RARB: variants seen among roughly 807,000 people sequenced by gnomAD.
RARB encodes the protein retinoic acid receptor beta.
Under a neutral mutation model 51.9 loss-of-function variants are expected in RARB, and 17 were observed. That is an observed-to-expected ratio of 0.33 (90% CI 0.22 to 0.49). The LOEUF (loss-of-function observed/expected upper bound fraction) is 0.49. RARB is among the 20% of genes least tolerant of loss of function. The probability of loss-of-function intolerance (pLI) is 0.99; values close to 1 mark genes in which losing one functional copy is unlikely to be tolerated. For synonymous variants in RARB, 215 were observed against 195.4 expected (o/e 1.10, Z -0.84); for missense variants, 369 against 550.8 (o/e 0.67, Z 3.30).
At chr3:25,550,161 TGAG>T (rs1288160679) in intron 3 of RARB, among the ~76,000 whole-genome samples, 4 of 152,146 alleles carry the variant, frequency 2.6e-5, no homozygotes, top group Non-Finnish European at 5.9e-5. Flanking sequence ...GTTGAGAAAA[TGAG>T]GACCCCTTTG....
intron 3 of RARB, among the ~76,000 whole-genome samples, chr3:25,081,904 A>T (rs1699013698): frequency 6.6e-6 from 1 of 151,686 alleles, no homozygotes; most frequent in Admixed American, 6.6e-5. Flanking sequence ...AAGTGCTGGG[A>T]TTACAGGCGT....
chr3:25,325,982 A>C (rs1045311546), intron 5 of RARB, among the ~76,000 whole-genome samples: 1 of 152,174 alleles, frequency 6.6e-6, no homozygotes, highest in Non-Finnish European at 1.5e-5. Flanking sequence ...CTGACTGTAC[A>C]TCCCCTATCA....
chr3:25,365,863 C>A (rs959550774), intron 5 of RARB, among the ~76,000 whole-genome samples: 1 of 152,146 alleles, frequency 6.6e-6, no homozygotes, highest in Non-Finnish European at 1.5e-5. Context: ...CTTTTTGTGA[C>A]CTAATGTCAG....
At chr3:25,278,620 G>A (rs12636556) in intron 5 of RARB, among the ~76,000 whole-genome samples, 7,238 of 152,246 alleles carry the variant, frequency 0.048, 448 homozygotes, top group East Asian at 0.36. Flanking sequence ...AGCTTTGATA[G>A]ATACCTTGAA....
At chr3:25,554,111 C>A (rs1047270708) in intron 3 of RARB, among the ~76,000 whole-genome samples, 4 of 150,344 alleles carry the variant, frequency 2.7e-5, no homozygotes, top group Admixed American at 6.7e-5. Flanking sequence ...TACTGCAGGC[C>A]ATGGTTAGGG....
chr3:24,901,480 A>G (rs1253088250), intron 2 of RARB, among the ~76,000 whole-genome samples: 3 of 152,174 alleles, frequency 2.0e-5, no homozygotes, highest in Non-Finnish European at 4.4e-5. Context: ...GCCTCAAGTG[A>G]TCCTCCTGCC....
At chr3:25,028,988 C>A (rs1051616979) in intron 2 of RARB, among the ~76,000 whole-genome samples, 2 of 152,204 alleles carry the variant, frequency 1.3e-5, no homozygotes, top group Admixed American at 1.3e-4. Flanking sequence ...GGAGCCCAGG[C>A]GTGTTCTCAA....
intron 2 of RARB, among the ~76,000 whole-genome samples, chr3:24,902,919 ATTATCT>A (rs1030777561): frequency 1.1e-3 from 171 of 152,242 alleles, no homozygotes; most frequent in African/African-American, 3.4e-3. Context: ...AAAGTATTTG[ATTATCT>A]TTATATTCGT....
intron 2 of RARB, among the ~76,000 whole-genome samples, chr3:25,466,876 AC>A (rs1695454898): frequency 6.6e-6 from 1 of 152,228 alleles, no homozygotes; most frequent in South Asian, 2.1e-4. Flanking sequence ...AAAGCAGTGG[AC>A]CAGATTTGGC....
intron 5 of RARB, among the ~76,000 whole-genome samples, chr3:25,387,651 C>G (rs1030149171): frequency 3.9e-5 from 6 of 152,094 alleles, no homozygotes; most frequent in Non-Finnish European, 8.8e-5. Context: ...TCTCAGCAGG[C>G]CCCTGTGAGT....
intron 5 of RARB, among the ~76,000 whole-genome samples, chr3:25,386,326 G>A (rs901440292): frequency 6.6e-6 from 1 of 152,174 alleles, no homozygotes; most frequent in African/African-American, 2.4e-5. Context: ...GGGTCACGCT[G>A]AGAAATGAAG....
intron 5 of RARB, among the ~76,000 whole-genome samples, chr3:25,206,267 C>G (rs906531105): frequency 6.6e-6 from 1 of 152,182 alleles, no homozygotes; most frequent in Non-Finnish European, 1.5e-5. Context: ...ATTGAACTAG[C>G]TAGTGTTCTT....
At chr3:25,274,406 A>G (rs1703330080) in intron 5 of RARB, among the ~76,000 whole-genome samples, 1 of 152,162 alleles carries the variant, frequency 6.6e-6, no homozygotes, top group South Asian at 2.1e-4. Context: ...TCACATGCTT[A>G]TCCCGATTCA....
intron 2 of RARB, among the ~76,000 whole-genome samples, chr3:24,865,349 G>A (rs566874374): frequency 6.6e-6 from 1 of 152,236 alleles, no homozygotes; most frequent in African/African-American, 2.4e-5. Flanking sequence ...GATGCTTGCA[G>A]TTTGACCCAT....
chr3:25,174,568 G>A (rs749165137), exon 5 of RARB: 2 of 1,351,926 alleles, frequency 1.5e-6, no homozygotes, highest in African/African-American at 1.5e-5. Context: ...GCACCCCGTC[G>A]CCGGCAAGTA....
At position 25,256,983 on chromosome 3, in the gene RARB, G is replaced by A. The variant is rs76887092; in HGVS notation, c.178+82408G>A. On this transcript the variant is annotated intron_variant, in intron 5 of 11. Transcript: ENST00000383772. ...GACATGCTTGCCCAAAATATCATACGATAAGGACTATCCTAAAAGCTCCTG... is the reference window on the plus strand; with the variant it reads ...GACATGCTTGCCCAAAATATCATACAATAAGGACTATCCTAAAAGCTCCTG... 1.0e-3 allele frequency among the ~76,000 whole-genome samples: 159 copies of A among 152,098 alleles called. 2 individuals are homozygous for A. The East Asian group carries it at 0.028, about 27-fold the overall frequency.
intron 4 of RARB, among the ~76,000 whole-genome samples, chr3:25,149,086 A>G (rs1700241045): frequency 6.6e-6 from 1 of 152,200 alleles, no homozygotes; most frequent in Non-Finnish European, 1.5e-5. Context: ...GAACTTCTTC[A>G]AGAAGTAACA....
intron 2 of RARB, among the ~76,000 whole-genome samples, chr3:25,049,120 G>A (rs1184469256): frequency 6.6e-6 from 1 of 152,160 alleles, no homozygotes; most frequent in African/African-American, 2.4e-5. Flanking sequence ...ATGAACCATA[G>A]TTTTCAGCTG....
At chr3:24,909,747 C>T (rs1694948529) in intron 2 of RARB, among the ~76,000 whole-genome samples, 1 of 152,090 alleles carries the variant, frequency 6.6e-6, no homozygotes, top group African/African-American at 2.4e-5. Flanking sequence ...TTGTGCTCTG[C>T]TTACAAAGTA....
Sources: gnomAD v4.1 joint callset for allele counts (sites outside exome capture counted in the v4.1 genomes callset) on GRCh38, gnomAD v4.1.1 for gene constraint, MANE v1.5 for transcripts, NCBI Gene and HGNC (gene_info 2026-07-23, HGNC 2026-07-21) for gene names.